The following UBXN8 variants were observed in gnomAD, a reference collection of about 807,000 sequenced individuals.
UBXN8 encodes the protein UBX domain protein 8.
In UBXN8, 27 loss-of-function variants were observed where a neutral mutation model predicts 32.1. The ratio of observed to expected loss-of-function variants is 0.84; its 90% CI spans 0.62 to 1.16. The LOEUF (loss-of-function observed/expected upper bound fraction) is 1.16, where lower values mean the gene tolerates loss of function less well. UBXN8 is among the 50% of genes most tolerant of loss of function. UBXN8 has a pLI of 0.00. For synonymous variants in UBXN8, 109 were observed against 111.8 expected, an observed-to-expected ratio of 0.98 and a Z score of 0.16; for missense variants, 306 against 311.4, an observed-to-expected ratio of 0.98 and a Z score of 0.13.
intron 1 of UBXN8, among the ~76,000 whole-genome samples, chr8:30,749,058 T>C (rs113431575): frequency 1.3e-5 from 2 of 152,194 alleles, no homozygotes; most frequent in Non-Finnish European, 2.9e-5. Context: ...AGTAGGTAGT[T>C]AGATTTCTGC....
intron 6 of UBXN8, among the ~76,000 whole-genome samples, chr8:30,761,855 A>G (rs12549186): frequency 0.15 from 22,686 of 151,966 alleles, 1,855 homozygotes; most frequent in South Asian, 0.27. Context: ...GCTGGGACTG[A>G]TCCCCAACTG....
intron 2 of UBXN8, among the ~76,000 whole-genome samples, chr8:30,752,523 C>G (rs1167425145): frequency 6.6e-6 from 1 of 151,990 alleles, no homozygotes; most frequent in African/African-American, 2.4e-5. Context: ...CGCCATGTTG[C>G]CCAGGCTGGT....
Position 30,754,691 on chromosome 8 carries a change from A to T in UBXN8, c.309A>T (p.Leu103Phe). The T allele has an allele frequency of 6.4e-7, 1 of 1,561,198 alleles. No individual in the cohort carries two copies. The highest frequency in any genetic ancestry group is 8.6e-7 in the Non-Finnish European group (1 of 1,164,492). Residue 103 changes from leucine to phenylalanine, a missense_variant, in exon 4 of 8, where the codon TTA (leucine) becomes TTT (phenylalanine). By Grantham distance (22) the Leu-to-Phe change is conservative. Transcript: ENST00000265616. ...EKASRYIENV[L>F]KPHQEMKLRK... Reference sequence around the variant, plus strand: ...CCAGCAGATACATAGAGAATGTTTTAAAACCTCACCAGGAAATGAAATTGA... The same window carrying T: ...CCAGCAGATACATAGAGAATGTTTTTAAACCTCACCAGGAAATGAAATTGA...
At chr8:30,733,374 TTATA>T (rs1805010255) in intron 1 of UBXN8, 1 of 152,178 alleles carries the variant, frequency 6.6e-6, no homozygotes, top group African/African-American at 2.4e-5. Flanking sequence ...GCATGGAGCA[TTATA>T]TAAAGAAAAG....
rs765944094 is a variant in UBXN8 at position 30,766,257 on chromosome 8, T to C, written c.676T>C (p.Tyr226His). 4.3e-6 allele frequency: 7 copies of C among 1,613,304 alleles called. No homozygotes were observed. The highest frequency in any genetic ancestry group is 5.9e-6 in the Non-Finnish European group (7 of 1,179,568). ...VLFDWMTRIG[Y>H]HISLYSLSTS... ...ATTTGACTGGATGACGAGAATTGGG[T>C]ACCACATATCTCTATACAGCCTTTC... is the stretch of plus-strand genomic sequence containing the variant. The change falls in exon 8 of 8, where the codon TAC becomes CAC. Residue 226 changes from tyrosine to histidine, a missense_variant. Tyr to His is a moderately conservative substitution (Grantham distance 83, BLOSUM62 2). Transcript: ENST00000265616.
chr8:30,757,835 G>A (rs1805703017), intron 5 of UBXN8, among the ~76,000 whole-genome samples: 1 of 149,572 alleles, frequency 6.7e-6, no homozygotes, highest in South Asian at 2.1e-4. Flanking sequence ...ACTCCAGCCT[G>A]CGCGACAGAG....
At chr8:30,750,899 T>C (rs897328499) in intron 1 of UBXN8, among the ~76,000 whole-genome samples, 9 of 152,152 alleles carry the variant, frequency 5.9e-5, no homozygotes, top group African/African-American at 2.2e-4. Context: ...CAGGCTTTTT[T>C]CCCCGTCGTT....
At chr8:30,765,157 C>T (rs1251083085) in intron 7 of UBXN8, among the ~76,000 whole-genome samples, 2 of 152,158 alleles carry the variant, frequency 1.3e-5, no homozygotes, top group Non-Finnish European at 2.9e-5. Context: ...AAATGATTCT[C>T]CTGCCTCATC....
chr8:30,751,135 A>T (rs942953133), intron 1 of UBXN8, among the ~76,000 whole-genome samples: 1 of 152,208 alleles, frequency 6.6e-6, no homozygotes, highest in Non-Finnish European at 1.5e-5. Context: ...TATGAACAAA[A>T]TCATAAGACA....
upstream of UBXN8, among the ~76,000 whole-genome samples, chr8:30,729,135 C>T (rs369323792): frequency 6.6e-6 from 1 of 152,232 alleles, no homozygotes; most frequent in Non-Finnish European, 1.5e-5. Flanking sequence ...GAGGCAGCCC[C>T]TTAGGGGGCT....
upstream of UBXN8, among the ~76,000 whole-genome samples, chr8:30,729,429 T>C (rs1386186212): frequency 6.6e-6 from 1 of 152,220 alleles, no homozygotes; most frequent in Non-Finnish European, 1.5e-5. Context: ...ACTGGCACTT[T>C]GGTTTTTGTT....
chr8:30,744,125 T>C, upstream of UBXN8: 1 of 1,520,710 alleles, frequency 6.6e-7, no homozygotes, highest in Non-Finnish European at 9.0e-7. Context: ...AGAGTTCCAC[T>C]TCCTTCCCGG....
chr8:30,739,872 A>T (rs747449172), upstream of UBXN8, among the ~76,000 whole-genome samples: 40 of 152,130 alleles, frequency 2.6e-4, no homozygotes, highest in Admixed American at 1.6e-3. Flanking sequence ...GTGGAAAAAA[A>T]TCAGAGCAAT....
rs1181286646 is a variant in UBXN8, at chr8:30,737,658, A to T, written c.622+4350A>T. Among the ~76,000 whole-genome samples the T allele has an allele frequency of 1.3e-4, 4 of 31,478 alleles. No individual in the cohort carries two copies. The Non-Finnish European group carries it at 1.6e-3, about 13-fold the overall frequency. The allele number at this position is 31,478 out of a possible 152,430, so 20.7% of individuals were successfully genotyped here. On this transcript the variant is annotated intron_variant, in intron 1 of 1. Transcript: ENST00000522968. ...AGCCGTGATCTCACCACTGCACTCCAGCCTAAGCAACAGAGCGAGACCCTG... is the reference window on the plus strand; with the variant it reads ...AGCCGTGATCTCACCACTGCACTCCTGCCTAAGCAACAGAGCGAGACCCTG...
chr8:30,732,330 TA>T, upstream of UBXN8: 1 of 398,222 alleles, frequency 2.5e-6, no homozygotes, highest in Non-Finnish European at 4.4e-6. Flanking sequence ...ACTGTGGGTA[TA>T]AGGTGTCCAA....
chr8:30,734,410 G>A (rs1025425486), intron 1 of UBXN8: 3 of 151,916 alleles, frequency 2.0e-5, no homozygotes, highest in East Asian at 1.9e-4. Flanking sequence ...TTAAGCCCAC[G>A]AGTTCGAGAC....
At chr8:30,764,867 T>A (rs1805956880) in intron 7 of UBXN8, among the ~76,000 whole-genome samples, 1 of 152,008 alleles carries the variant, frequency 6.6e-6, no homozygotes, top group Admixed American at 6.6e-5. Context: ...CTGGCCAACA[T>A]GGTGAAACCT....
intron 6 of UBXN8, 153 bp from the exon 7 acceptor site, chr8:30,763,120 A>T: frequency 2.8e-6 from 2 of 704,366 alleles, no homozygotes; most frequent in Non-Finnish European, 4.7e-6. Flanking sequence ...TCCTGGGATT[A>T]CAGGCGTGAG....
Position 30,766,400 on chromosome 8 carries a change from A to G in UBXN8, c.*6A>G, listed in dbSNP as rs1806008749. On this transcript the variant is annotated 3_prime_UTR_variant, in exon 8 of 8. Transcript: ENST00000265616. The stretch of plus-strand genomic sequence containing the variant: ...AGAAGGAGCAGACCAACTAGGAAAG[A>G]AGGGAGAGCTCCCTGTTTGCATGAA... 1.3e-6 allele frequency: 2 copies of G among 1,587,682 alleles called. No homozygotes were observed.
Sources: allele counts gnomAD v4.1 joint callset (sites outside exome capture counted in the v4.1 genomes callset), GRCh38; gene constraint gnomAD v4.1.1; transcripts MANE v1.5; gene names NCBI Gene and HGNC (gene_info 2026-07-23, HGNC 2026-07-21).